Variants in TDRD3 observed in about 807,000 individuals in gnomAD.
TDRD3 encodes the protein tudor domain containing 3, also known as tudor domain-containing protein 3.
TDRD3 carries 45 observed loss-of-function variants against 86.7 expected under a neutral mutation model. The observed-to-expected ratio is 0.52, with a 90% CI of 0.41 to 0.67. TDRD3 has a LOEUF of 0.67. Ranked by LOEUF, TDRD3 falls within the 30% of genes least tolerant of loss-of-function variation. The pLI is 0.00. For missense variants in TDRD3, 814 were observed against 889.0 expected, an observed-to-expected ratio of 0.92 and a Z score of 1.07; for synonymous variants, 298 against 301.7, an observed-to-expected ratio of 0.99 and a Z score of 0.13.
chr13:60,547,031 TG>T (rs1387899861), intron 12 of TDRD3, among the ~76,000 whole-genome samples: 1 of 152,162 alleles, frequency 6.6e-6, no homozygotes, highest in Non-Finnish European at 1.5e-5. Flanking sequence ...ATGTCTAGAT[TG>T]AAAAAAAATA....
chr13:60,493,250 A>G (rs1373170850), intron 7 of TDRD3, among the ~76,000 whole-genome samples: 2 of 152,116 alleles, frequency 1.3e-5, no homozygotes, highest in East Asian at 3.8e-4. Flanking sequence ...TGTATTATAT[A>G]TAATTTATAT....
chr13:60,571,683 C>G (rs181232810), intron 13 of TDRD3, among the ~76,000 whole-genome samples: 1 of 152,126 alleles, frequency 6.6e-6, no homozygotes, highest in African/African-American at 2.4e-5. Flanking sequence ...TTTGCACATT[C>G]TTTGATTATC....
chr13:60,482,618 C>T (rs764099202), intron 5 of TDRD3, among the ~76,000 whole-genome samples: 1 of 152,070 alleles, frequency 6.6e-6, no homozygotes, highest in Non-Finnish European at 1.5e-5. Context: ...GAAAGGGCCT[C>T]TTGATAATTT....
intron 5 of TDRD3, among the ~76,000 whole-genome samples, chr13:60,480,723 A>T (rs1257653322): frequency 6.6e-6 from 1 of 151,984 alleles, no homozygotes; most frequent in African/African-American, 2.4e-5. Flanking sequence ...GTGTTTTCAC[A>T]GGGGAATGCC....
At chr13:60,420,189 A>G (rs1954620171) in intron 1 of TDRD3, among the ~76,000 whole-genome samples, 1 of 152,164 alleles carries the variant, frequency 6.6e-6, no homozygotes, top group Non-Finnish European at 1.5e-5. Context: ...CCTAACAACA[A>G]CAACAACAAA....
intron 12 of TDRD3, among the ~76,000 whole-genome samples, chr13:60,560,503 A>G (rs536625487): frequency 6.6e-6 from 1 of 152,310 alleles, no homozygotes; most frequent in African/African-American, 2.4e-5. Flanking sequence ...AATTTTCACA[A>G]GTGCTTAACC....
intron 4 of TDRD3, among the ~76,000 whole-genome samples, chr13:60,463,514 A>G (rs1413389893): frequency 6.6e-6 from 1 of 152,146 alleles, no homozygotes; most frequent in African/African-American, 2.4e-5. Context: ...GAAAATTGGG[A>G]TTAAATCAAA....
intron 5 of TDRD3, among the ~76,000 whole-genome samples, chr13:60,476,450 A>G (rs912823744): frequency 2.0e-5 from 3 of 152,012 alleles, no homozygotes; most frequent in African/African-American, 7.3e-5. Flanking sequence ...TACCAATACC[A>G]TTCTGTTTTG....
At chr13:60,571,102 T>C (rs148159738) in intron 13 of TDRD3, among the ~76,000 whole-genome samples, 9 of 152,060 alleles carry the variant, frequency 5.9e-5, no homozygotes, top group Admixed American at 4.6e-4. Context: ...TAAAAAAAAA[T>C]TGGTGGGGGA....
chr13:60,559,823 A>G (rs1958290792), intron 12 of TDRD3, among the ~76,000 whole-genome samples: 1 of 152,182 alleles, frequency 6.6e-6, no homozygotes, highest in Non-Finnish European at 1.5e-5. Context: ...TGTACAAAAC[A>G]GTCACTCCAA....
In TDRD3 at chr13:60,504,085, T is replaced by G. The variant is rs539400185; in HGVS notation, c.859-5678T>G. ...TTTGTGTGTTTTTGCAAGATTAATT[T>G]TAAAAATTTTAGAATTTTTTAAATC... is the stretch of plus-strand genomic sequence containing the variant. On this transcript the variant is annotated intron_variant, in intron 8 of 13. Transcript: ENST00000377881. Among the ~76,000 whole-genome samples, 221 of 152,360 alleles carry G rather than the reference T, an allele frequency of 1.5e-3. 1 individual carries two copies. Among genetic ancestry groups the G allele is most frequent in the African/African-American group, 4.9e-3 (205 of 41,588 alleles).
intron 1 of TDRD3, among the ~76,000 whole-genome samples, chr13:60,415,473 A>G (rs533400178): frequency 6.6e-6 from 1 of 152,258 alleles, no homozygotes; most frequent in South Asian, 2.1e-4. Flanking sequence ...TAATAAGCAA[A>G]CATACTCATT....
At chr13:60,435,124 C>A (rs946876919) in intron 1 of TDRD3, among the ~76,000 whole-genome samples, 1 of 152,088 alleles carries the variant, frequency 6.6e-6, no homozygotes, top group African/African-American at 2.4e-5. Flanking sequence ...CTGTGACAAT[C>A]GTCCAGTATT....
At chr13:60,536,297 C>T (rs917627143) in intron 12 of TDRD3, 1 of 151,900 alleles carries the variant, frequency 6.6e-6, no homozygotes, top group African/African-American at 2.4e-5. Context: ...ATTTATTATT[C>T]CAACTTTTAC....
At chr13:60,455,416 G>A (rs1356884982) in intron 3 of TDRD3, among the ~76,000 whole-genome samples, 1 of 151,956 alleles carries the variant, frequency 6.6e-6, no homozygotes, top group East Asian at 1.9e-4. Context: ...TGGGCCTTAA[G>A]GTAAAGATGT....
chr13:60,521,623 C>T (rs1285414709), intron 10 of TDRD3, among the ~76,000 whole-genome samples: 1 of 152,038 alleles, frequency 6.6e-6, no homozygotes, highest in Non-Finnish European at 1.5e-5. Context: ...GGGCCGGGTG[C>T]GGTGGCTCAC....
chr13:60,527,540 T>C (rs766075148), intron 10 of TDRD3, among the ~76,000 whole-genome samples: 12 of 152,216 alleles, frequency 7.9e-5, no homozygotes, highest in Non-Finnish European at 1.2e-4. Flanking sequence ...AATCATGTTA[T>C]AGACATGCTA....
At chr13:60,463,712 A>G (rs1458578253) in intron 4 of TDRD3, among the ~76,000 whole-genome samples, 1 of 152,232 alleles carries the variant, frequency 6.6e-6, no homozygotes, top group Non-Finnish European at 1.5e-5. Context: ...AGACCTGAAT[A>G]GACATTTCTC....
chr13:60,562,977 C>G (rs1193542871), intron 12 of TDRD3, among the ~76,000 whole-genome samples: 1 of 151,818 alleles, frequency 6.6e-6, no homozygotes, highest in Non-Finnish European at 1.5e-5. Context: ...ACCTGTAATC[C>G]CAGAACTTTG....
Sources: allele counts gnomAD v4.1 joint callset (sites outside exome capture counted in the v4.1 genomes callset), GRCh38; gene constraint gnomAD v4.1.1; transcripts MANE v1.5; gene names NCBI Gene and HGNC (gene_info 2026-07-23, HGNC 2026-07-21).